MAP2: variants seen among roughly 807,000 people sequenced by gnomAD.
MAP2 encodes microtubule associated protein 2.
In MAP2, 14 loss-of-function variants were observed where a neutral mutation model predicts 137.6. The observed-to-expected ratio is 0.10, with a 90% confidence interval of 0.07 to 0.16. The LOEUF is 0.16. Among genes scored for constraint, MAP2 ranks in the 10% least tolerant of loss-of-function variants. The pLI is 1.00. For missense variants in MAP2, 2,088 were observed against 2,191.5 expected (o/e 0.95, Z 0.94); for synonymous variants, 786 against 782.3 (o/e 1.00, Z -0.08).
chr2:209,501,757 C>T (rs1034647601), intron 1 of MAP2, among the ~76,000 whole-genome samples: 2 of 151,868 alleles, frequency 1.3e-5, no homozygotes, highest in African/African-American at 4.8e-5. Flanking sequence ...CAATTCTGCA[C>T]CTATTTGCTC....
chr2:209,633,028 A>G (rs2153556391), intron 4 of MAP2, among the ~76,000 whole-genome samples: 1 of 152,290 alleles, frequency 6.6e-6, no homozygotes, highest in Non-Finnish European at 1.5e-5. Context: ...TGCCATTTAG[A>G]ACACGTCAAA....
intron 7 of MAP2, among the ~76,000 whole-genome samples, chr2:209,683,554 T>C (rs1475881662): frequency 1.3e-5 from 2 of 152,240 alleles, no homozygotes; most frequent in African/African-American, 4.8e-5. Context: ...TTTTTAAGTT[T>C]AGTTTTGTCA....
chr2:209,505,976 A>G (rs770621988), intron 1 of MAP2, among the ~76,000 whole-genome samples: 1 of 152,132 alleles, frequency 6.6e-6, no homozygotes, highest in Non-Finnish European at 1.5e-5. Flanking sequence ...TGTCTCAAAA[A>G]AAAGAAAAGA....
At chr2:209,437,190 A>C (rs940396564) in intron 1 of MAP2, among the ~76,000 whole-genome samples, 1 of 151,682 alleles carries the variant, frequency 6.6e-6, no homozygotes, top group Non-Finnish European at 1.5e-5. Context: ...CTTAAAAAAA[A>C]TGGGGTGGAT....
chr2:209,621,013 G>A (rs911361512), intron 3 of MAP2, among the ~76,000 whole-genome samples: 1 of 151,886 alleles, frequency 6.6e-6, no homozygotes, highest in South Asian at 2.1e-4. Flanking sequence ...TGACCAACAT[G>A]GTGAAACTCT....
At chr2:209,542,106 T>C (rs982497897) in intron 2 of MAP2, among the ~76,000 whole-genome samples, 2 of 152,222 alleles carry the variant, frequency 1.3e-5, no homozygotes, top group Non-Finnish European at 2.9e-5. Flanking sequence ...CCTTGGTCCA[T>C]GGGCTGCAAA....
intron 3 of MAP2, among the ~76,000 whole-genome samples, chr2:209,598,356 G>A (rs1054178403): frequency 6.6e-6 from 1 of 151,964 alleles, no homozygotes; most frequent in Non-Finnish European, 1.5e-5. Flanking sequence ...GCAGAGACTG[G>A]TACAGAATAG....
chr2:209,588,122 G>A (rs1411936175), intron 3 of MAP2, among the ~76,000 whole-genome samples: 1 of 152,154 alleles, frequency 6.6e-6, no homozygotes, highest in Non-Finnish European at 1.5e-5. Context: ...GTGTGTGTAT[G>A]TGTCAGTCTA....
intron 2 of MAP2, among the ~76,000 whole-genome samples, chr2:209,572,167 A>G (rs1270601608): frequency 2.0e-5 from 3 of 152,032 alleles, no homozygotes; most frequent in Non-Finnish European, 4.4e-5. Context: ...CAGAAGTATT[A>G]AAGCCTGATT....
At chr2:209,666,288 C>A (rs1355522546) in intron 5 of MAP2, among the ~76,000 whole-genome samples, 1 of 151,900 alleles carries the variant, frequency 6.6e-6, no homozygotes, top group African/African-American at 2.4e-5. Flanking sequence ...TTCTCCAGGC[C>A]AGTTCTCATC....
At chr2:209,565,219 T>G (rs1470611595) in intron 2 of MAP2, among the ~76,000 whole-genome samples, 1 of 152,154 alleles carries the variant, frequency 6.6e-6, no homozygotes, top group Non-Finnish European at 1.5e-5. Flanking sequence ...AAAATTTCTT[T>G]TTGTTTTTAT....
intron 3 of MAP2, among the ~76,000 whole-genome samples, chr2:209,584,317 C>T (rs1042218457): frequency 1.3e-5 from 2 of 151,946 alleles, no homozygotes; most frequent in African/African-American, 4.8e-5. Context: ...CCAGAAAGAA[C>T]AAACATTAGC....
chr2:209,724,452 T>A (rs1341069159), intron 13 of MAP2, among the ~76,000 whole-genome samples: 1 of 152,168 alleles, frequency 6.6e-6, no homozygotes, highest in Non-Finnish European at 1.5e-5. Context: ...ACAGATCCTA[T>A]CTCTTTAAAC....
intron 1 of MAP2, among the ~76,000 whole-genome samples, chr2:209,490,040 G>C (rs1211158690): frequency 6.6e-6 from 1 of 152,178 alleles, no homozygotes; most frequent in East Asian, 1.9e-4. Context: ...TAAAGGTTGG[G>C]TTACCCACAA....
At chr2:209,725,602 T>C in intron 13 of MAP2, 107 bp from the exon 14 acceptor site, 1 of 540,404 alleles carries the variant, frequency 1.9e-6, no homozygotes, top group Non-Finnish European at 3.2e-6. Flanking sequence ...TTTCTAGCTA[T>C]GTTGTTGCAT....
chr2:209,623,373 C>G (rs990210407), intron 3 of MAP2, among the ~76,000 whole-genome samples: 1 of 152,000 alleles, frequency 6.6e-6, no homozygotes, highest in Non-Finnish European at 1.5e-5. Flanking sequence ...CTTATTTTTA[C>G]TAGGGTAAAA....
rs557941475 is a variant in MAP2 at position 209,619,903 on chromosome 2, G to A, written c.-106-5150G>A. On this transcript the variant is annotated intron_variant, in intron 3 of 15. Transcript: ENST00000682079. ...ATTTAAGCAACATGTTCAGTACAGT[G>A]GGCTGTAAGAGGAAGTGATGTGTGT... 2.6e-5 allele frequency among the ~76,000 whole-genome samples: 4 copies of A among 152,204 alleles called. No homozygotes were observed. In the South Asian group the frequency reaches 8.3e-4, roughly 32 times the overall value.
At position 209,698,542 on chromosome 2, in the gene MAP2, T is replaced by C. The variant is rs16843491; in HGVS notation, c.4522+1491T>C. Among the ~76,000 whole-genome samples, 395 of 152,310 alleles carry C rather than the reference T, an allele frequency of 2.6e-3. 8 individuals carry two copies. Among genetic ancestry groups the C allele is most frequent in the East Asian group, 0.021 (107 of 5,178 alleles). ...ATCAAGGTAACTGATGGTTTTATTTTAGCCATTGAAAATTCCAAGTATTTT... is the reference window on the plus strand; with the variant it reads ...ATCAAGGTAACTGATGGTTTTATTTCAGCCATTGAAAATTCCAAGTATTTT... On this transcript the variant is annotated intron_variant, in intron 10 of 15. Coordinates refer to ENST00000682079, the MANE Select transcript of MAP2 (RefSeq NM_001375505.1).
chr2:209,632,491 G>A (rs111662847), intron 4 of MAP2, among the ~76,000 whole-genome samples: 11 of 152,208 alleles, frequency 7.2e-5, no homozygotes, highest in African/African-American at 2.6e-4. Flanking sequence ...GTCATACTTC[G>A]TGCTTAATAG....
Sources: gnomAD v4.1 joint callset for allele counts (sites outside exome capture counted in the v4.1 genomes callset) on GRCh38, gnomAD v4.1.1 for gene constraint, MANE v1.5 for transcripts, NCBI Gene and HGNC (gene_info 2026-07-23, HGNC 2026-07-21) for gene names.